NALF1: variants seen among roughly 807,000 people sequenced by gnomAD.
NALF1 encodes NALCN channel auxiliary factor 1.
Under a neutral mutation model 48.4 loss-of-function variants are expected in NALF1, and 3 were observed. That is an observed-to-expected ratio of 0.06 (90% CI 0.03 to 0.16). The LOEUF is 0.16. NALF1 is among the 10% of genes least tolerant of loss of function. The pLI, the probability that NALF1 is intolerant of heterozygous loss-of-function variation, is 1.00. For synonymous variants in NALF1, 262 were observed against 245.7 expected, an observed-to-expected ratio of 1.07 and a Z score of -0.62; for missense variants, 526 against 571.5, an observed-to-expected ratio of 0.92 and a Z score of 0.81.
At chr13:107,742,360 G>A (rs1876663953) in intron 1 of NALF1, among the ~76,000 whole-genome samples, 1 of 152,158 alleles carries the variant, frequency 6.6e-6, no homozygotes, top group African/African-American at 2.4e-5. Context: ...ATGTCATCTT[G>A]AATTGTAGTT....
intron 2 of NALF1, among the ~76,000 whole-genome samples, chr13:107,209,858 C>T (rs1455854982): frequency 1.3e-5 from 2 of 152,126 alleles, no homozygotes; most frequent in Non-Finnish European, 2.9e-5. Flanking sequence ...TATCACACCA[C>T]CCTGGCAAAG....
intron 1 of NALF1, among the ~76,000 whole-genome samples, chr13:107,606,219 C>A (rs1879062863): frequency 6.6e-6 from 1 of 151,990 alleles, no homozygotes; most frequent in Admixed American, 6.6e-5. Context: ...TCTGCTACTC[C>A]CTAAGGAAAC....
intron 1 of NALF1, among the ~76,000 whole-genome samples, chr13:107,281,239 A>C (rs2138872768): frequency 6.6e-6 from 1 of 152,348 alleles, no homozygotes; most frequent in African/African-American, 2.4e-5. Context: ...AAATACACAC[A>C]AATAACTCTG....
intron 1 of NALF1, among the ~76,000 whole-genome samples, chr13:107,227,462 A>G (rs1566457350): frequency 6.6e-6 from 1 of 152,262 alleles, no homozygotes; most frequent in Non-Finnish European, 1.5e-5. Flanking sequence ...TAAAGCATCC[A>G]AACAGTGATT....
chr13:107,701,465 A>G (rs993244919), intron 1 of NALF1, among the ~76,000 whole-genome samples: 2 of 152,134 alleles, frequency 1.3e-5, no homozygotes, highest in African/African-American at 2.4e-5. Context: ...GAAAGTTTAA[A>G]TATACAGAAA....
chr13:107,425,286 C>T (rs997484743), intron 1 of NALF1, among the ~76,000 whole-genome samples: 4 of 152,036 alleles, frequency 2.6e-5, no homozygotes, highest in Admixed American at 6.6e-5. Context: ...AAACTAAGTG[C>T]GTTTCTAAAG....
At chr13:107,864,715 G>C (rs1880663208) in intron 1 of NALF1, among the ~76,000 whole-genome samples, 1 of 152,058 alleles carries the variant, frequency 6.6e-6, no homozygotes. Context: ...ACAGCTCTTG[G>C]GTAAATCTCA....
At chr13:107,184,081 T>A (rs1359337166) in intron 2 of NALF1, among the ~76,000 whole-genome samples, 1 of 151,684 alleles carries the variant, frequency 6.6e-6, no homozygotes, top group Non-Finnish European at 1.5e-5. Flanking sequence ...AGGTTCAAGG[T>A]TCAGGTGGTT....
chr13:107,469,504 T>C (rs1259159546), intron 1 of NALF1, among the ~76,000 whole-genome samples: 1 of 152,116 alleles, frequency 6.6e-6, no homozygotes, highest in African/African-American at 2.4e-5. Context: ...CTGTGGATCC[T>C]CAACTACCTT....
At chr13:107,667,506 G>A (rs1034974013) in intron 1 of NALF1, among the ~76,000 whole-genome samples, 9 of 151,996 alleles carry the variant, frequency 5.9e-5, no homozygotes, top group Non-Finnish European at 1.2e-4. Context: ...TCACTAAATG[G>A]TTTAGGCCTC....
chr13:107,337,614 A>G (rs1882585239), intron 1 of NALF1, among the ~76,000 whole-genome samples: 1 of 152,122 alleles, frequency 6.6e-6, no homozygotes, highest in Non-Finnish European at 1.5e-5. Flanking sequence ...CCTTAATCCT[A>G]TGAAAGCTAT....
In NALF1 at chr13:107,413,792, T is replaced by C. The variant is rs537515935; in HGVS notation, c.916-203037A>G. The stretch of plus-strand genomic sequence containing the variant: ...TAGTAATATATAGAAATATTTTTAA[T>C]ATTTTATTTTTTGTGATGGAGTCTC... On this transcript the variant is annotated intron_variant, in intron 1 of 2. Transcript: ENST00000375915. Among the ~76,000 whole-genome samples the C allele has an allele frequency of 2.0e-5, 3 of 152,294 alleles. No homozygotes were observed. In the East Asian group the frequency reaches 5.8e-4, roughly 29 times the overall value.
chr13:107,425,212 G>A (rs79189655), intron 1 of NALF1, among the ~76,000 whole-genome samples: 2,874 of 152,250 alleles, frequency 0.019, 35 homozygotes, highest in South Asian at 0.029. Flanking sequence ...GAAGCAATAT[G>A]CAAAACCACA....
chr13:107,368,828 G>A (rs952117438), intron 1 of NALF1, among the ~76,000 whole-genome samples: 1 of 152,108 alleles, frequency 6.6e-6, no homozygotes, highest in Non-Finnish European at 1.5e-5. Flanking sequence ...ATATCTTTTG[G>A]GGGCCACTAT....
intron 1 of NALF1, among the ~76,000 whole-genome samples, chr13:107,243,380 C>A (rs542765300): frequency 3.3e-5 from 5 of 152,172 alleles, no homozygotes; most frequent in Non-Finnish European, 2.9e-5. Context: ...GTGATTTCAG[C>A]GCATCCCCAG....
At chr13:107,641,116 C>T (rs1001940762) in intron 1 of NALF1, among the ~76,000 whole-genome samples, 13 of 152,070 alleles carry the variant, frequency 8.5e-5, no homozygotes, top group African/African-American at 3.1e-4. Context: ...AACATGGATG[C>T]AACTGGAGGT....
intron 1 of NALF1, among the ~76,000 whole-genome samples, chr13:107,342,875 A>G (rs1424657591): frequency 6.6e-6 from 1 of 152,166 alleles, no homozygotes; most frequent in Non-Finnish European, 1.5e-5. Context: ...TCCCAAATGT[A>G]TGACGCATAC....
chr13:107,190,118 T>A (rs895425962), intron 2 of NALF1, among the ~76,000 whole-genome samples: 2 of 152,212 alleles, frequency 1.3e-5, no homozygotes, highest in African/African-American at 4.8e-5. Flanking sequence ...TGCCCACAGT[T>A]ATTTTTACAT....
intron 2 of NALF1, among the ~76,000 whole-genome samples, chr13:107,175,306 A>C (rs1388164106): frequency 6.6e-6 from 1 of 151,712 alleles, no homozygotes; most frequent in East Asian, 1.9e-4. Context: ...CTTAAAACTG[A>C]CTTCCACCCA....
Sources: allele counts gnomAD v4.1 joint callset (sites outside exome capture counted in the v4.1 genomes callset), GRCh38; gene constraint gnomAD v4.1.1; transcripts MANE v1.5; gene names NCBI Gene and HGNC (gene_info 2026-07-23, HGNC 2026-07-21).